The following CLTC variants were observed in gnomAD, a reference collection of about 807,000 sequenced individuals.
CLTC encodes clathrin heavy chain.
Under a neutral mutation model 195.8 loss-of-function variants are expected in CLTC, and 16 were observed. The ratio of observed to expected loss-of-function variants is 0.08; its 90% confidence interval spans 0.06 to 0.12. The LOEUF (loss-of-function observed/expected upper bound fraction) is 0.12. CLTC is among the 10% of genes least tolerant of loss of function. CLTC has a pLI of 1.00. For missense variants in CLTC, 796 were observed against 2,027.0 expected (o/e 0.39, Z 11.66); for synonymous variants, 667 against 689.4 (o/e 0.97, Z 0.51).
chr17:59,671,777 C>T (rs2032853762), intron 14 of CLTC, among the ~76,000 whole-genome samples: 1 of 152,146 alleles, frequency 6.6e-6, no homozygotes, highest in South Asian at 2.1e-4. Context: ...AGGGCCTTTG[C>T]TTGTGCCCTG....
chr17:59,683,389 G>C lies in CLTC; in HGVS notation c.4044G>C (p.Val1348=). Residue 1348 remains valine (V), a splice_region_variant and synonymous_variant, in exon 26 of 32, where the codon GTG becomes GTC. Transcript: ENST00000269122. This position sits in a 1 kb window ranked among gnomAD's most constrained non-coding sequence, Gnocchi z 6.1. ...GCAATTAAGTCTTTCTTATGCAGGT[G>C]CTAAGAGCTGCAGAACAAGCTCATC... ...LFWSRVNIPK[V]LRAAEQAHLW... 6.2e-7 allele frequency: 1 copy of C among 1,611,724 alleles called. No individual in the cohort carries two copies.
rs760414146 is a variant in CLTC at position 59,682,263 on chromosome 17, A to G, written c.3443-8A>G. ...GTTTGGATATATTTTTTCTTTTTCTATACTTAGGAAACTGGGAAGAACTGG... is the reference window on the plus strand; with the variant it reads ...GTTTGGATATATTTTTTCTTTTTCTGTACTTAGGAAACTGGGAAGAACTGG... On this transcript the variant is annotated splice_polypyrimidine_tract_variant and splice_region_variant and intron_variant, in intron 21 of 31. Transcript: ENST00000269122. This position sits in a 1 kb window ranked among gnomAD's most constrained non-coding sequence, Gnocchi z 6.8. The G allele has an allele frequency of 8.7e-6, 14 of 1,608,778 alleles. No homozygotes were observed. Among genetic ancestry groups the G allele is most frequent in the Middle Eastern group, 3.3e-4 (2 of 6,050 alleles).
At position 59,648,533 on chromosome 17, in the gene CLTC, AT is replaced by A; in HGVS notation, c.681+135del. On this transcript the variant is annotated intron_variant, in intron 4 of 31. Coordinates refer to ENST00000269122, the MANE Select transcript of CLTC (RefSeq NM_004859.4). This position sits in a 1 kb window ranked among gnomAD's most constrained non-coding sequence, Gnocchi z 4.5. ...TAGTATTCACATTTGTGGTGACTTA[AT>A]TTGTTCAAATTTTGCATCTAGTGAT... is the stretch of plus-strand genomic sequence containing the variant. 3 of 843,346 alleles carry A rather than the reference AT, an allele frequency of 3.6e-6. No individual in the cohort carries two copies. The highest frequency in any genetic ancestry group is 5.5e-6 in the Non-Finnish European group (3 of 543,890). The allele number at this position is 843,346 out of a possible 1,614,324, so 52.2% of individuals were successfully genotyped here.
chr17:59,654,173 C>T (rs1420960691), intron 5 of CLTC, among the ~76,000 whole-genome samples: 1 of 151,558 alleles, frequency 6.6e-6, no homozygotes, highest in African/African-American at 2.4e-5. Context: ...TAGTGTATAA[C>T]ATTTTTATTT....
intron 8 of CLTC, among the ~76,000 whole-genome samples, chr17:59,663,578 T>G (rs1336854414): frequency 6.6e-6 from 1 of 152,216 alleles, no homozygotes; most frequent in Non-Finnish European, 1.5e-5. Flanking sequence ...CTTAAATCCT[T>G]AACAAGGTAG....
chr17:59,627,941 C>T (rs1030295345), intron 1 of CLTC, among the ~76,000 whole-genome samples: 2 of 152,054 alleles, frequency 1.3e-5, no homozygotes, highest in Admixed American at 6.6e-5. Context: ...TTGAACTCAA[C>T]GAAGGCAGTT....
In CLTC at chr17:59,644,289, G is replaced by A; in HGVS notation, c.56G>A (p.Gly19Asp). ...TATTTTTTCTAGCTCCAGAACCTGG[G>A]TATCAACCCAGCAAACATTGGCTTC... ...FQEHLQLQNLGINPANIGFST... is the reference protein window; with the variant it reads ...FQEHLQLQNLDINPANIGFST... The change falls in exon 2 of 32, where the codon GGT becomes GAT. Residue 19 changes from glycine to aspartate, a missense_variant. Physicochemically the swap from Gly to Asp is moderately conservative, Grantham distance 94 (BLOSUM62 -1). Transcript: ENST00000269122. 2 of 1,613,936 alleles carry A rather than the reference G, an allele frequency of 1.2e-6. No homozygotes were observed. The highest frequency in any genetic ancestry group is 1.7e-6 in the Non-Finnish European group (2 of 1,179,968).
In CLTC at chr17:59,693,904, T is replaced by C; in HGVS notation, c.*52T>C. ...TATTTTCGTACTGAAACATCGTCTT[T>C]ACCCACTTCTCAGTTTATAATGGGG... is the stretch of plus-strand genomic sequence containing the variant. On this transcript the variant is annotated 3_prime_UTR_variant, in exon 32 of 32. Coordinates refer to ENST00000269122, the MANE Select transcript of CLTC (RefSeq NM_004859.4). 1.3e-6 allele frequency: 2 copies of C among 1,519,728 alleles called. No homozygotes were observed. The highest frequency in any genetic ancestry group is 5.0e-5 in the East Asian group (2 of 40,312). 94.1% of individuals were successfully genotyped at this position (1,519,728 alleles called of 1,614,324 possible). A position where few individuals can be genotyped will look rare whatever the true frequency, so the allele number is the denominator to read the frequency against.
chr17:59,665,853 T>C (rs2032718653), intron 10 of CLTC, among the ~76,000 whole-genome samples: 1 of 151,952 alleles, frequency 6.6e-6, no homozygotes, highest in African/African-American at 2.4e-5. Flanking sequence ...AAAAATAAAA[T>C]AAATAAATAA....
chr17:59,679,765 A>T (rs1160420355), intron 18 of CLTC, among the ~76,000 whole-genome samples: 1 of 152,076 alleles, frequency 6.6e-6, no homozygotes, highest in African/African-American at 2.4e-5. Context: ...AAATATGTAT[A>T]TAACATACAT....
rs759642830 is a variant in CLTC at position 59,660,558 on chromosome 17, G to A, written c.1137G>A (p.Glu379=). 1 of 1,614,108 alleles carries A rather than the reference G, an allele frequency of 6.2e-7. No homozygotes were observed. Among genetic ancestry groups the A allele is most frequent in the Admixed American group, 1.7e-5 (1 of 60,018 alleles). ...NALFAQGNYS[E]AAKVAANAPK... Reference sequence around the variant, plus strand: ...TTTTTGCCCAGGGAAATTACTCGGAGGCAGCAAAGGTGGCTGCTAATGCAC... The same window carrying A: ...TTTTTGCCCAGGGAAATTACTCGGAAGCAGCAAAGGTGGCTGCTAATGCAC... Residue 379 remains glutamate (E), a synonymous_variant, in exon 7 of 32, where the codon GAG becomes GAA. Transcript: ENST00000269122.
chr17:59,646,794 C>T (rs2032207048), intron 2 of CLTC, among the ~76,000 whole-genome samples: 1 of 152,156 alleles, frequency 6.6e-6, no homozygotes, highest in African/African-American at 2.4e-5. Flanking sequence ...CTATCCTCTT[C>T]CTTTGTCTCC....
chr17:59,688,370 CT>C (rs1463739227), intron 30 of CLTC, among the ~76,000 whole-genome samples: 4 of 152,116 alleles, frequency 2.6e-5, no homozygotes, highest in African/African-American at 9.7e-5. Context: ...GTGGAAAAGC[CT>C]TTTACATTTT....
Position 59,681,855 on chromosome 17 carries a change from T to A in CLTC, c.3442+16T>A. ...AATACTAGTGGTATGACTTCTTACC[T>A]TATGTATTGAAACCTCATAAAATGA... On this transcript the variant is annotated intron_variant, in intron 21 of 31. Coordinates refer to ENST00000269122, the MANE Select transcript of CLTC (RefSeq NM_004859.4). The surrounding 1 kb of genome is among the most constrained non-coding windows in gnomAD (Gnocchi z 5.0). 1 of 1,587,008 alleles carries A rather than the reference T, an allele frequency of 6.3e-7. No individual in the cohort carries two copies. The highest frequency in any genetic ancestry group is 8.6e-7 in the Non-Finnish European group (1 of 1,163,120).
At position 59,681,874 on chromosome 17, in the gene CLTC, A is replaced by G; in HGVS notation, c.3442+35A>G. On this transcript the variant is annotated intron_variant, in intron 21 of 31. Coordinates refer to ENST00000269122, the MANE Select transcript of CLTC (RefSeq NM_004859.4). This position sits in a 1 kb window ranked among gnomAD's most constrained non-coding sequence, Gnocchi z 5.0. ...CTTACCTTATGTATTGAAACCTCAT[A>G]AAATGATTAAGCTAAGCATTAAGAT... 1 of 1,536,108 alleles carries G rather than the reference A, an allele frequency of 6.5e-7. No homozygotes were observed. Among genetic ancestry groups the G allele is most frequent in the Non-Finnish European group, 8.9e-7 (1 of 1,128,050 alleles).
At chr17:59,631,240 A>T (rs1178544732) in intron 1 of CLTC, among the ~76,000 whole-genome samples, 3 of 152,152 alleles carry the variant, frequency 2.0e-5, no homozygotes, top group Non-Finnish European at 2.9e-5. Flanking sequence ...ATACCCCTAC[A>T]TGTATCTGTG....
At chr17:59,677,791 T>G (rs1221745665) in intron 17 of CLTC, among the ~76,000 whole-genome samples, 1 of 152,230 alleles carries the variant, frequency 6.6e-6, no homozygotes, top group Non-Finnish European at 1.5e-5. Flanking sequence ...CGCTGATATC[T>G]TTGTAAACAA....
chr17:59,676,161 TGCACTCCA>T (rs1225907997), intron 16 of CLTC, among the ~76,000 whole-genome samples: 8 of 152,112 alleles, frequency 5.3e-5, no homozygotes, highest in Admixed American at 4.6e-4. Context: ...AGCCCTCCAC[TGCACTCCA>T]GCTTGGGCAA....
Position 59,660,549 on chromosome 17 carries a change from T to C in CLTC, c.1128T>C (p.Asn376=). 1 of 1,614,098 alleles carries C rather than the reference T, an allele frequency of 6.2e-7. No individual in the cohort carries two copies. The highest frequency in any genetic ancestry group is 8.5e-7 in the Non-Finnish European group (1 of 1,179,994). ...RKFNALFAQG[N]YSEAAKVAAN... ...TTAATGCTCTTTTTGCCCAGGGAAA[T>C]TACTCGGAGGCAGCAAAGGTGGCTG... The change falls in exon 7 of 32, where the codon AAT becomes AAC. Residue 376 remains asparagine, a synonymous_variant. Coordinates refer to ENST00000269122, the MANE Select transcript of CLTC (RefSeq NM_004859.4).
Sources: allele counts gnomAD v4.1 joint callset (sites outside exome capture counted in the v4.1 genomes callset), GRCh38; gene constraint gnomAD v4.1.1; non-coding constraint Gnocchi (gnomAD v3.1); transcripts MANE v1.5; gene names NCBI Gene and HGNC (gene_info 2026-07-23, HGNC 2026-07-21).